The following NPAS3 variants were observed in gnomAD, a reference collection of about 807,000 sequenced individuals.
NPAS3 encodes the protein neuronal PAS domain protein 3.
A neutral mutation model predicts 73.1 loss-of-function variants in NPAS3; 14 were observed. That is an observed-to-expected ratio of 0.19 (90% CI 0.13 to 0.30). The LOEUF (loss-of-function observed/expected upper bound fraction) is 0.30, where lower values mean the gene tolerates loss of function less well. NPAS3 is among the 10% of genes least tolerant of loss of function. The pLI is 1.00. For synonymous variants in NPAS3, 620 were observed against 541.5 expected, an observed-to-expected ratio of 1.14 and a Z score of -2.01; for missense variants, 1,096 against 1,250.0, an observed-to-expected ratio of 0.88 and a Z score of 1.86.
intron 4 of NPAS3, among the ~76,000 whole-genome samples, chr14:33,457,933 G>A (rs747479082): frequency 7.9e-5 from 12 of 152,282 alleles, no homozygotes; most frequent in South Asian, 4.1e-4. Context: ...GTCTTTGTAT[G>A]TAATTTAATA....
At chr14:33,618,395 C>A (rs1348123292) in intron 5 of NPAS3, among the ~76,000 whole-genome samples, 1 of 152,128 alleles carries the variant, frequency 6.6e-6, no homozygotes, top group Admixed American at 6.5e-5. Context: ...CTGGGAGTGA[C>A]AGAATCATCA....
intron 2 of NPAS3, among the ~76,000 whole-genome samples, chr14:33,187,806 C>G (rs2046033841): frequency 1.3e-5 from 2 of 151,916 alleles, no homozygotes; most frequent in Non-Finnish European, 2.9e-5. Flanking sequence ...GGGCAGTTTT[C>G]TAGGTGCTTT....
intron 1 of NPAS3, among the ~76,000 whole-genome samples, chr14:33,017,467 T>G (rs1234770962): frequency 6.6e-6 from 1 of 152,192 alleles, no homozygotes; most frequent in Non-Finnish European, 1.5e-5. Context: ...GAGGGATTTA[T>G]GGGTTTTGGA....
intron 4 of NPAS3, among the ~76,000 whole-genome samples, chr14:33,547,112 C>T (rs1038484036): frequency 6.6e-6 from 1 of 151,982 alleles, no homozygotes; most frequent in African/African-American, 2.4e-5. Flanking sequence ...TTTGTAAAAC[C>T]CTTAATATAT....
intron 3 of NPAS3, among the ~76,000 whole-genome samples, chr14:33,227,411 G>A (rs991959477): frequency 2.6e-5 from 4 of 152,092 alleles, no homozygotes; most frequent in African/African-American, 9.7e-5. Context: ...CTCTTGCTAG[G>A]GTGTCTTAGT....
At chr14:33,671,692 A>C (rs1252700515) in intron 5 of NPAS3, among the ~76,000 whole-genome samples, 1 of 152,216 alleles carries the variant, frequency 6.6e-6, no homozygotes, top group African/African-American at 2.4e-5. Flanking sequence ...GCAACGTGAG[A>C]GAGTAAGTAA....
At chr14:33,412,091 T>G (rs1011355906) in intron 4 of NPAS3, among the ~76,000 whole-genome samples, 1 of 152,116 alleles carries the variant, frequency 6.6e-6, no homozygotes, top group Admixed American at 6.6e-5. Context: ...AGAATTTATG[T>G]TTTTTACCTA....
intron 3 of NPAS3, among the ~76,000 whole-genome samples, chr14:33,276,924 CCAAA>C (rs946725569): frequency 5.9e-5 from 9 of 152,040 alleles, no homozygotes; most frequent in African/African-American, 2.2e-4. Context: ...GATTCACTCA[CCAAA>C]CACTCATAGA....
chr14:33,036,083 G>C (rs1489118840), intron 1 of NPAS3, among the ~76,000 whole-genome samples: 1 of 152,152 alleles, frequency 6.6e-6, no homozygotes, highest in African/African-American at 2.4e-5. Context: ...AGATCCTTGT[G>C]TTATGCCACA....
At chr14:33,136,026 G>C (rs2043817491) in intron 2 of NPAS3, among the ~76,000 whole-genome samples, 1 of 151,232 alleles carries the variant, frequency 6.6e-6, no homozygotes, top group African/African-American at 2.4e-5. Context: ...GCTCTGAGCT[G>C]TGGCCATTCA....
intron 4 of NPAS3, among the ~76,000 whole-genome samples, chr14:33,518,918 C>A (rs958276752): frequency 2.0e-5 from 3 of 152,064 alleles, no homozygotes; most frequent in Non-Finnish European, 4.4e-5. Flanking sequence ...CAATAGTAGA[C>A]TCTTGATAAA....
At chr14:33,281,338 A>AT (rs923598012) in intron 3 of NPAS3, among the ~76,000 whole-genome samples, 9 of 152,038 alleles carry the variant, frequency 5.9e-5, no homozygotes, top group South Asian at 4.2e-4. Flanking sequence ...TATTTTAAAC[A>AT]TTTTTTTTCA....
chr14:33,753,358 T>TAAAAAAAAAAAAAAAA (rs34619014), intron 7 of NPAS3, among the ~76,000 whole-genome samples: 2 of 129,440 alleles, frequency 1.5e-5, no homozygotes, highest in African/African-American at 5.6e-5. Context: ...GTTAAATTGA[T>TAAAAAAAAAAAAAAAA]AAAAAAAAAA....
chr14:32,993,279 A>T (rs1412286092), intron 1 of NPAS3, among the ~76,000 whole-genome samples: 1 of 152,180 alleles, frequency 6.6e-6, no homozygotes, highest in Non-Finnish European at 1.5e-5. Context: ...ACAGGGATAA[A>T]TATGTAGGTT....
At chr14:33,331,598 T>C (rs114422076) in intron 3 of NPAS3, among the ~76,000 whole-genome samples, 2,015 of 151,960 alleles carry the variant, frequency 0.013, 41 homozygotes, top group African/African-American at 0.046. Flanking sequence ...TCGGTGCTAT[T>C]ACTGTTTCTG....
intron 7 of NPAS3, among the ~76,000 whole-genome samples, chr14:33,772,682 C>T (rs2062692996): frequency 6.6e-6 from 1 of 152,190 alleles, no homozygotes; most frequent in South Asian, 2.1e-4. Flanking sequence ...TAACACCCCT[C>T]CTGTGAAGTT....
At chr14:33,578,680 G>C (rs2056545461) in intron 5 of NPAS3, among the ~76,000 whole-genome samples, 1 of 152,086 alleles carries the variant, frequency 6.6e-6, no homozygotes, top group African/African-American at 2.4e-5. Context: ...TGCAATCAGG[G>C]GTTTTCCAAT....
chr14:32,940,471 A>T (rs548294741), intron 1 of NPAS3, among the ~76,000 whole-genome samples: 5 of 152,324 alleles, frequency 3.3e-5, no homozygotes, highest in African/African-American at 1.2e-4. Context: ...TGCATATAGC[A>T]TATTGGTTTG....
chr14:33,082,954 G>C (rs186089860), intron 2 of NPAS3, among the ~76,000 whole-genome samples: 1 of 152,204 alleles, frequency 6.6e-6, no homozygotes, highest in Non-Finnish European at 1.5e-5. Context: ...GAGATAGGCA[G>C]ATCATCACTT....
Sources: gnomAD v4.1 joint callset for allele counts (sites outside exome capture counted in the v4.1 genomes callset) on GRCh38, gnomAD v4.1.1 for gene constraint, MANE v1.5 for transcripts, NCBI Gene and HGNC (gene_info 2026-07-23, HGNC 2026-07-21) for gene names.